NRG3: variants seen among roughly 807,000 people sequenced by gnomAD.
The protein encoded by NRG3 is neuregulin 3, also known as pro-neuregulin-3, membrane-bound isoform.
In NRG3, 31 loss-of-function variants were observed where a neutral mutation model predicts 66.9. The observed-to-expected ratio is 0.46, with a 90% CI of 0.35 to 0.63. NRG3 has a LOEUF of 0.63. Ranked by LOEUF, NRG3 falls within the 20% of genes least tolerant of loss-of-function variation. NRG3 has a pLI of 0.00. For missense variants in NRG3, 910 were observed against 878.9 expected (o/e 1.04, Z -0.45); for synonymous variants, 393 against 359.4 (o/e 1.09, Z -1.06).
intron 1 of NRG3, among the ~76,000 whole-genome samples, chr10:82,108,460 C>G (rs1310326860): frequency 6.6e-6 from 1 of 152,118 alleles, no homozygotes; most frequent in Non-Finnish European, 1.5e-5. Context: ...ATGGAAATGT[C>G]ACCAGGATGC....
chr10:82,984,710 T>C, intron 8 of NRG3: 1 of 1,477,390 alleles, frequency 6.8e-7, no homozygotes, highest in East Asian at 2.5e-5. Flanking sequence ...ACTAATGCCA[T>C]TATGGGTGTC....
At chr10:82,560,769 G>A (rs778244038) in intron 2 of NRG3, among the ~76,000 whole-genome samples, 2 of 149,060 alleles carry the variant, frequency 1.3e-5, no homozygotes, top group African/African-American at 2.4e-5. Context: ...ATATTAAAGA[G>A]TATTTCCTCT....
intron 1 of NRG3, among the ~76,000 whole-genome samples, chr10:82,270,022 T>C (rs11596361): frequency 0.27 from 41,287 of 152,028 alleles, 5,734 homozygotes; most frequent in Admixed American, 0.29. Flanking sequence ...ATAGATTTTC[T>C]TGTAAAAACG....
chr10:82,580,914 T>TGTGTG (rs1378567516), intron 2 of NRG3, among the ~76,000 whole-genome samples: 1 of 151,344 alleles, frequency 6.6e-6, no homozygotes, highest in Non-Finnish European at 1.5e-5. Flanking sequence ...TGTGTGTGTG[T>TGTGTG]GTGTGTGTGT....
chr10:81,953,361 G>A (rs2133210528), intron 1 of NRG3, among the ~76,000 whole-genome samples: 1 of 152,176 alleles, frequency 6.6e-6, no homozygotes, highest in South Asian at 2.1e-4. Context: ...TATTATCTCA[G>A]TGGAAATAGA....
chr10:82,505,946 G>A (rs981008098), intron 2 of NRG3, among the ~76,000 whole-genome samples: 1 of 152,188 alleles, frequency 6.6e-6, no homozygotes, highest in Non-Finnish European at 1.5e-5. Context: ...TGAGACAAGT[G>A]CCATTAAGAG....
chr10:82,022,694 A>C (rs1317338263), intron 1 of NRG3, among the ~76,000 whole-genome samples: 1 of 152,038 alleles, frequency 6.6e-6, no homozygotes, highest in African/African-American at 2.4e-5. Context: ...GCATTGTCAA[A>C]TCGGAAGCTA....
intron 4 of NRG3, among the ~76,000 whole-genome samples, chr10:82,949,844 G>T (rs1306678864): frequency 2.0e-5 from 3 of 151,350 alleles, no homozygotes; most frequent in African/African-American, 7.3e-5. Flanking sequence ...GACAGAGCAA[G>T]ACTCTATATC....
intron 1 of NRG3, among the ~76,000 whole-genome samples, chr10:82,218,108 C>T (rs778003028): frequency 9.9e-5 from 15 of 152,156 alleles, no homozygotes; most frequent in South Asian, 4.2e-4. Flanking sequence ...ATGAATGAGT[C>T]GATCCTGTGT....
At chr10:82,962,266 G>C (rs948352855) in intron 6 of NRG3, among the ~76,000 whole-genome samples, 2 of 152,142 alleles carry the variant, frequency 1.3e-5, no homozygotes. Flanking sequence ...AAGAGCTAAG[G>C]ATAGAATTAT....
chr10:81,953,135 C>G (rs1346254383), intron 1 of NRG3, among the ~76,000 whole-genome samples: 3 of 152,182 alleles, frequency 2.0e-5, no homozygotes, highest in African/African-American at 7.2e-5. Flanking sequence ...CTCTCTAACA[C>G]TCTTCCTGAA....
chr10:82,586,948 T>C (rs1445243013), intron 2 of NRG3, among the ~76,000 whole-genome samples: 1 of 152,192 alleles, frequency 6.6e-6, no homozygotes, highest in African/African-American at 2.4e-5. Flanking sequence ...TTCATGTTTT[T>C]CATGTTTTCA....
intron 1 of NRG3, among the ~76,000 whole-genome samples, chr10:81,941,322 G>T (rs550677730): frequency 1.3e-5 from 2 of 152,016 alleles, no homozygotes; most frequent in Admixed American, 6.6e-5. Flanking sequence ...CCTAAAAATT[G>T]GTAACAGGTA....
intron 2 of NRG3, among the ~76,000 whole-genome samples, chr10:82,463,318 G>A (rs1171329871): frequency 6.6e-6 from 1 of 152,146 alleles, no homozygotes; most frequent in African/African-American, 2.4e-5. Flanking sequence ...CCTAAGTACA[G>A]TAGCAACATT....
At chr10:82,289,035 G>T (rs1205124553) in intron 1 of NRG3, among the ~76,000 whole-genome samples, 1 of 152,142 alleles carries the variant, frequency 6.6e-6, no homozygotes, top group Non-Finnish European at 1.5e-5. Flanking sequence ...ATCCTTGATG[G>T]CCTTGATGGC....
intron 3 of NRG3, among the ~76,000 whole-genome samples, chr10:82,835,303 T>C (rs1370653681): frequency 6.6e-6 from 1 of 152,210 alleles, no homozygotes; most frequent in East Asian, 1.9e-4. Context: ...TTCATATAAC[T>C]GGGTTGTGTC....
intron 1 of NRG3, among the ~76,000 whole-genome samples, chr10:82,112,944 A>C (rs10884217): frequency 0.18 from 27,568 of 152,058 alleles, 2,703 homozygotes; most frequent in East Asian, 0.39. Flanking sequence ...GGTTGATGAA[A>C]TAAGATGCCT....
chr10:82,904,920 AC>A (rs754158959), intron 4 of NRG3, among the ~76,000 whole-genome samples: 5 of 152,166 alleles, frequency 3.3e-5, no homozygotes, highest in Non-Finnish European at 5.9e-5. Context: ...AAATGTGAGA[AC>A]TTGAACTTTA....
At position 81,888,629 on chromosome 10, in the gene NRG3, A is replaced by G. The variant is rs148179878; in HGVS notation, c.823+12466A>G. Reference sequence around the variant, plus strand: ...AGAGAAGGGAGGCCCAGGGAGGGAAAGGTCATTAATAAAGGTAGAAGTTTG... The same window carrying G: ...AGAGAAGGGAGGCCCAGGGAGGGAAGGGTCATTAATAAAGGTAGAAGTTTG... On this transcript the variant is annotated intron_variant, in intron 1 of 8. Transcript: ENST00000372141. Among the ~76,000 whole-genome samples, 41 of 152,234 alleles carry G rather than the reference A, an allele frequency of 2.7e-4. 1 individual carries two copies. The highest frequency in any genetic ancestry group is 1.2e-3 in the East Asian group (6 of 5,176).
Sources: gnomAD v4.1 joint callset for allele counts (sites outside exome capture counted in the v4.1 genomes callset) on GRCh38, gnomAD v4.1.1 for gene constraint, MANE v1.5 for transcripts, NCBI Gene and HGNC (gene_info 2026-07-23, HGNC 2026-07-21) for gene names.